Variants in SORCS1 observed in about 807,000 individuals in gnomAD.
SORCS1 encodes the protein sortilin related VPS10 domain containing receptor 1.
SORCS1 carries 60 observed loss-of-function variants against 146.1 expected under a neutral mutation model. The ratio of observed to expected loss-of-function variants is 0.41; its 90% CI spans 0.33 to 0.51. The LOEUF (loss-of-function observed/expected upper bound fraction) is 0.51, where lower values mean the gene tolerates loss of function less well. Ranked by LOEUF, SORCS1 falls within the 20% of genes least tolerant of loss-of-function variation. The pLI is 0.21. For synonymous variants in SORCS1, 637 were observed against 584.0 expected (o/e 1.09, Z -1.31); for missense variants, 1,352 against 1,487.6 (o/e 0.91, Z 1.50).
At chr10:106,619,165 G>A (rs898922358) in intron 20 of SORCS1, among the ~76,000 whole-genome samples, 3 of 152,128 alleles carry the variant, frequency 2.0e-5, no homozygotes, top group African/African-American at 7.2e-5. Flanking sequence ...ACAATAGGGG[G>A]TACAAAAGGA....
At chr10:107,065,794 A>T (rs1961792721) in intron 1 of SORCS1, among the ~76,000 whole-genome samples, 1 of 152,152 alleles carries the variant, frequency 6.6e-6, no homozygotes, top group South Asian at 2.1e-4. Flanking sequence ...CTGGGATTGC[A>T]GGCATGAGCC....
At chr10:107,027,021 TATATATATATATAAAAATATATATATAA>T (rs1298802105) in intron 1 of SORCS1, among the ~76,000 whole-genome samples, 15 of 117,616 alleles carry the variant, frequency 1.3e-4, no homozygotes, top group African/African-American at 5.2e-4. Context: ...GGTATATGTG[TATATATATATATAAAAATATATATATAA>T]ATATATAAAA....
chr10:106,693,755 C>T (rs1853477134), intron 9 of SORCS1, among the ~76,000 whole-genome samples: 2 of 152,146 alleles, frequency 1.3e-5, no homozygotes, highest in African/African-American at 4.8e-5. Context: ...AATCAGTCTT[C>T]CCATAAATAT....
chr10:106,901,095 C>T (rs1951682691), intron 2 of SORCS1, among the ~76,000 whole-genome samples: 1 of 152,102 alleles, frequency 6.6e-6, no homozygotes, highest in African/African-American at 2.4e-5. Context: ...TAGCCCAGCA[C>T]CTAAAATAGC....
At position 106,677,500 on chromosome 10, in the gene SORCS1, C is replaced by T. The variant is rs970851179; in HGVS notation, c.1741-96G>A. On this transcript the variant is annotated intron_variant, in intron 12 of 25. Coordinates refer to ENST00000263054, the MANE Select transcript of SORCS1 (RefSeq NM_052918.5). ...TTCACATGAGAACAAAAATCCTTCC[C>T]ATGATAAAAATAGGTTTCCCTAAAT... is the stretch of plus-strand genomic sequence containing the variant. The T allele has an allele frequency of 4.5e-6, 5 of 1,100,068 alleles. No homozygotes were observed. In the East Asian group the frequency reaches 1.2e-4, roughly 27 times the overall value. The allele number at this position is 1,100,068 out of a possible 1,614,324, so 68.1% of individuals were successfully genotyped here.
intron 1 of SORCS1, among the ~76,000 whole-genome samples, chr10:107,003,913 T>G (rs971193694): frequency 2.0e-5 from 3 of 152,074 alleles, no homozygotes; most frequent in South Asian, 2.1e-4. Context: ...CGGTGGCTCA[T>G]GCCTGTAATC....
At chr10:106,658,995 G>A (rs1486395785) in intron 17 of SORCS1, among the ~76,000 whole-genome samples, 1 of 152,194 alleles carries the variant, frequency 6.6e-6, no homozygotes, top group Admixed American at 6.5e-5. Context: ...AATAGACACA[G>A]GCAGCCCCAA....
rs575899509 is a variant in SORCS1, at chr10:107,071,959, T to C, written c.558+92010A>G. 4.7e-4 allele frequency among the ~76,000 whole-genome samples: 72 copies of C among 152,286 alleles called. 1 individual carries two copies. In the Middle Eastern group the frequency reaches 0.01, roughly 22 times the overall value. ...TCAGAAATATAGAGGAGAGACCCAA[T>C]GAGGTAAAACTCTGAAGATGGGATG... On this transcript the variant is annotated intron_variant, in intron 1 of 25. Transcript: ENST00000263054.
At chr10:106,950,583 G>A (rs761410771) in intron 2 of SORCS1, among the ~76,000 whole-genome samples, 7 of 151,992 alleles carry the variant, frequency 4.6e-5, no homozygotes, top group East Asian at 1.9e-4. Context: ...TGTATATGGT[G>A]TTTGTACGTG....
intron 1 of SORCS1, among the ~76,000 whole-genome samples, chr10:106,985,751 G>A (rs938774557): frequency 7.9e-5 from 12 of 152,060 alleles, no homozygotes; most frequent in Non-Finnish European, 1.5e-4. Flanking sequence ...TGGCCAGGAT[G>A]GTCTCCATCT....
intron 2 of SORCS1, among the ~76,000 whole-genome samples, chr10:106,912,360 G>A (rs748061268): frequency 5.9e-5 from 9 of 151,952 alleles, no homozygotes; most frequent in Non-Finnish European, 1.2e-4. Context: ...CACCTGTACC[G>A]CTTTTTTTTA....
chr10:106,927,580 G>A (rs1953127594), intron 2 of SORCS1, among the ~76,000 whole-genome samples: 1 of 152,138 alleles, frequency 6.6e-6, no homozygotes, highest in Non-Finnish European at 1.5e-5. Context: ...TTCTCATGTG[G>A]CCCCACCCAC....
chr10:106,992,826 CTTTTTTTTTTTTTT>C (rs36052970), intron 1 of SORCS1, among the ~76,000 whole-genome samples: 1 of 57,086 alleles, frequency 1.8e-5, no homozygotes, highest in Non-Finnish European at 3.0e-5. Flanking sequence ...TTCTTTCTTT[CTTTTTTTTTTTTTT>C]TTTTTTTTTT....
At chr10:106,850,582 G>A (rs1028114636) in intron 2 of SORCS1, among the ~76,000 whole-genome samples, 1 of 152,164 alleles carries the variant, frequency 6.6e-6, no homozygotes, top group African/African-American at 2.4e-5. Context: ...GACCGGAGCT[G>A]TTCCTATTCG....
intron 17 of SORCS1, chr10:106,667,001 A>T (rs1033808196): frequency 6.6e-6 from 1 of 152,182 alleles, no homozygotes; most frequent in African/African-American, 2.4e-5. Flanking sequence ...TTTACAGATC[A>T]TTTGTTTGAA....
chr10:106,747,369 A>G (rs555449392), intron 5 of SORCS1, among the ~76,000 whole-genome samples: 4 of 152,302 alleles, frequency 2.6e-5, no homozygotes, highest in African/African-American at 7.2e-5. Flanking sequence ...GTTTCCATCC[A>G]TTTCTCTAGC....
intron 24 of SORCS1, among the ~76,000 whole-genome samples, chr10:106,593,485 C>T (rs1180113991): frequency 2.0e-5 from 3 of 152,176 alleles, no homozygotes; most frequent in African/African-American, 7.2e-5. Flanking sequence ...CATAGCCAAA[C>T]TCAATATAGC....
At chr10:106,940,857 C>T (rs2138742191) in intron 2 of SORCS1, among the ~76,000 whole-genome samples, 1 of 152,252 alleles carries the variant, frequency 6.6e-6, no homozygotes, top group South Asian at 2.1e-4. Context: ...GCACTCCAGC[C>T]TGGGCAACAA....
intron 3 of SORCS1, among the ~76,000 whole-genome samples, chr10:106,820,154 C>T (rs747011857): frequency 6.6e-6 from 1 of 152,090 alleles, no homozygotes; most frequent in Non-Finnish European, 1.5e-5. Context: ...ATGTTCATTT[C>T]CTGGTGCCAG....
Sources: allele counts gnomAD v4.1 joint callset (sites outside exome capture counted in the v4.1 genomes callset), GRCh38; gene constraint gnomAD v4.1.1; transcripts MANE v1.5; gene names NCBI Gene and HGNC (gene_info 2026-07-23, HGNC 2026-07-21).